ANGPTL1: variants seen among roughly 807,000 people sequenced by gnomAD.
ANGPTL1 encodes angiopoietin-related protein 1.
In ANGPTL1, 36 loss-of-function variants were observed where a neutral mutation model predicts 46.7. That is an observed-to-expected ratio of 0.77 (90% CI 0.59 to 1.02). The LOEUF (loss-of-function observed/expected upper bound fraction) is 1.02, where lower values mean the gene tolerates loss of function less well. ANGPTL1 is among the 50% of genes least tolerant of loss of function. The pLI is 0.00. For missense variants in ANGPTL1, 571 were observed against 594.7 expected (o/e 0.96, Z 0.41); for synonymous variants, 221 against 204.3 (o/e 1.08, Z -0.69).
In ANGPTL1 at chr1:178,851,027, T is replaced by G; in HGVS notation, c.*102A>C. On this transcript the variant is annotated 3_prime_UTR_variant, in exon 6 of 6. Transcript: ENST00000234816. ...TAAAATTCATTTTAAAAACTTTCTG[T>G]GTAGAAATAAATTGTGCCAAGTAAT... 8.9e-7 allele frequency: 1 copy of G among 1,121,202 alleles called. No individual in the cohort carries two copies. The highest frequency in any genetic ancestry group is 1.2e-6 in the Non-Finnish European group (1 of 824,318). The allele number at this position is 1,121,202 out of a possible 1,614,324, so 69.5% of individuals were successfully genotyped here.
At chr1:178,862,229 A>G (rs1052110440) in intron 3 of ANGPTL1, among the ~76,000 whole-genome samples, 1 of 152,100 alleles carries the variant, frequency 6.6e-6, no homozygotes, top group African/African-American at 2.4e-5. Context: ...GCCTATTGCT[A>G]CTGTAACTTA....
At chr1:178,851,387 C>T in intron 5 of ANGPTL1, 71 bp from the exon 6 acceptor site, 1 of 1,334,488 alleles carries the variant, frequency 7.5e-7, no homozygotes, top group Non-Finnish European at 9.9e-7. Context: ...TCATAAAAAA[C>T]TTATTCTACC....
chr1:178,856,202 G>GAGAGATATATATATATATAT (rs1428022812), intron 3 of ANGPTL1, among the ~76,000 whole-genome samples: 12 of 83,906 alleles, frequency 1.4e-4, no homozygotes, highest in African/African-American at 7.7e-4. Flanking sequence ...GAGAGAGAGA[G>GAGAGATATATATATATATAT]ATATATATAT....
intron 3 of ANGPTL1, among the ~76,000 whole-genome samples, chr1:178,859,695 CTTTT>C (rs1190050936): frequency 1.8e-5 from 2 of 108,248 alleles, no homozygotes; most frequent in Admixed American, 9.5e-5. Context: ...ACACGAAGCA[CTTTT>C]TTTTTTTTTT....
rs1056757156 is a variant in ANGPTL1, at chr1:178,850,809, G to A, written c.*320C>T. 8.1e-5 allele frequency: 15 copies of A among 186,064 alleles called. No homozygotes were observed. The highest frequency in any genetic ancestry group is 4.9e-4 in the Admixed American group (8 of 16,470). The allele number at this position is 186,064 out of a possible 1,614,324, so 11.5% of individuals were successfully genotyped here. The stretch of plus-strand genomic sequence containing the variant: ...TTTTAAATAAATTGTTAAGTATCTT[G>A]AACATGTTATTTATGATTTAAAATA... On this transcript the variant is annotated 3_prime_UTR_variant, in exon 6 of 6. Coordinates refer to ENST00000234816, the MANE Select transcript of ANGPTL1 (RefSeq NM_004673.4).
In ANGPTL1 at chr1:178,853,585, C is replaced by T; in HGVS notation, c.1017+9G>A. 1 of 1,582,282 alleles carries T rather than the reference C, an allele frequency of 6.3e-7. No homozygotes were observed. The highest frequency in any genetic ancestry group is 1.4e-5 in the African/African-American group (1 of 72,850). On this transcript the variant is annotated intron_variant, in intron 4 of 5. Coordinates refer to ENST00000234816, the MANE Select transcript of ANGPTL1 (RefSeq NM_004673.4). The stretch of plus-strand genomic sequence containing the variant: ...TTTTACTTCCCTTAGGTCTGCATCA[C>T]TGATTTACCTTATAATTTTCCCAAT...
chr1:178,869,551 C>T (rs1224796412), intron 1 of ANGPTL1, among the ~76,000 whole-genome samples: 1 of 151,878 alleles, frequency 6.6e-6, no homozygotes, highest in Non-Finnish European at 1.5e-5. Context: ...CCATAGCATG[C>T]AACAACAAAA....
intron 3 of ANGPTL1, among the ~76,000 whole-genome samples, chr1:178,862,593 T>TTTATTTATTTA (rs1553272297): frequency 7.1e-6 from 1 of 140,656 alleles, no homozygotes; most frequent in African/African-American, 2.7e-5. Flanking sequence ...GTTGCATTTT[T>TTTATTTATTTA]TTTATTTATT....
chr1:178,858,065 A>G (rs980475754), intron 3 of ANGPTL1, among the ~76,000 whole-genome samples: 1 of 152,170 alleles, frequency 6.6e-6, no homozygotes, highest in African/African-American at 2.4e-5. Flanking sequence ...TGTTAGACTT[A>G]GGGAAATGTA....
At chr1:178,852,019 C>T (rs2102293211) in intron 5 of ANGPTL1, among the ~76,000 whole-genome samples, 1 of 152,220 alleles carries the variant, frequency 6.6e-6, no homozygotes, top group Non-Finnish European at 1.5e-5. Flanking sequence ...ATATTAATTT[C>T]CCCTTTGAAT....
At chr1:178,869,983 A>G (rs1474735585) in intron 1 of ANGPTL1, among the ~76,000 whole-genome samples, 1 of 152,116 alleles carries the variant, frequency 6.6e-6, no homozygotes, top group Non-Finnish European at 1.5e-5. Flanking sequence ...ATTTAATTAC[A>G]TCTTCTGGGT....
rs1335618205 is a variant in ANGPTL1, at chr1:178,853,646, T to G, written c.965A>C (p.Gln322Pro). 2 of 1,611,472 alleles carry G rather than the reference T, an allele frequency of 1.2e-6. No individual in the cohort carries two copies. Among genetic ancestry groups the G allele is most frequent in the Admixed American group, 3.4e-5 (2 of 59,568 alleles). The part of the protein sequence containing the change: ...SLDPGGWTVI[Q>P]KRTDGSVNFF... ...GTTGACAGAGCCGTCTGTTCTTTTC[T>G]GAATAACAGTCCAACCCCCAGGGTC... is the stretch of plus-strand genomic sequence containing the variant. Residue 322 changes from glutamine to proline, a missense_variant, in exon 4 of 6, where the codon CAG becomes CCG. Physicochemically the swap from Gln to Pro is moderately conservative, Grantham distance 76 (BLOSUM62 -1). Transcript: ENST00000234816.
Position 178,852,902 on chromosome 1 carries a change from A to T in ANGPTL1, c.1069T>A (p.Tyr357Asn). The change falls in exon 5 of 6, where the codon TAT (tyrosine) becomes AAT (asparagine). Residue 357 changes from tyrosine (Y) to asparagine (N), a missense_variant. Physicochemically the swap from Tyr to Asn is moderately radical, Grantham distance 143. Transcript: ENST00000234816. ...GEYWLGLENI[Y>N]MLSNQDNYKL... ...TAATTATCTTGATTGCTAAGCATAT[A>T]GATATTTTCCAGTCCAAGCCAGTAT... 6.2e-7 allele frequency: 1 copy of T among 1,613,806 alleles called. No homozygotes were observed. The highest frequency in any genetic ancestry group is 8.5e-7 in the Non-Finnish European group (1 of 1,179,804).
chr1:178,853,651 A>G lies in ANGPTL1; in HGVS notation c.960T>C (p.Val320=), dbSNP rs985087375. Residue 320 remains valine, a synonymous_variant, in exon 4 of 6, where the codon GTT becomes GTC. Coordinates refer to ENST00000234816, the MANE Select transcript of ANGPTL1 (RefSeq NM_004673.4). The part of the protein sequence containing the change: ...ENSLDPGGWT[V]IQKRTDGSVN... ...CAGAGCCGTCTGTTCTTTTCTGAAT[A>G]ACAGTCCAACCCCCAGGGTCCAAAC... The G allele has an allele frequency of 5.0e-6, 8 of 1,611,702 alleles. No individual in the cohort carries two copies. Among genetic ancestry groups the G allele is most frequent in the East Asian group, 2.2e-5 (1 of 44,776 alleles).
Position 178,865,316 on chromosome 1 carries a change from A to G in ANGPTL1, c.461T>C (p.Leu154Pro), listed in dbSNP as rs1283598450. ...KRDNSLELSQLENKILNVTTE... is the reference protein window; with the variant it reads ...KRDNSLELSQPENKILNVTTE... ...GGTGACATTGAGGATTTTGTTTTCCAGTTGGGAAAGTTCAAGTGAATTATC... is the reference window on the plus strand; with the variant it reads ...GGTGACATTGAGGATTTTGTTTTCCGGTTGGGAAAGTTCAAGTGAATTATC... The change falls in exon 3 of 6, where the codon CTG becomes CCG. Residue 154 changes from leucine to proline, a missense_variant. Coordinates refer to ENST00000234816, the MANE Select transcript of ANGPTL1 (RefSeq NM_004673.4). 6.2e-7 allele frequency: 1 copy of G among 1,613,902 alleles called. No individual in the cohort carries two copies. Among genetic ancestry groups the G allele is most frequent in the African/African-American group, 1.3e-5 (1 of 74,906 alleles).
At chr1:178,865,977 C>T (rs1658378901) in intron 2 of ANGPTL1, among the ~76,000 whole-genome samples, 175 bp from the exon 3 acceptor site, 1 of 152,060 alleles carries the variant, frequency 6.6e-6, no homozygotes, top group Admixed American at 6.6e-5. Flanking sequence ...AGTTGTAATA[C>T]TTTGGCATTT....
rs10913632 is a variant in ANGPTL1 at position 178,850,418 on chromosome 1, A to G, written c.*711T>C. ...ATTTCTGGAGATTTTGGTGTTCAGC[A>G]TATCATATGAAGATAACACTGAAAA... On this transcript the variant is annotated 3_prime_UTR_variant, in exon 6 of 6. Transcript: ENST00000234816. 13,558 of 152,354 alleles carry G rather than the reference A, an allele frequency of 0.089. 659 individuals carry two copies. The highest frequency in any genetic ancestry group is 0.13 in the African/African-American group (5,378 of 41,506). 9.4% of individuals were successfully genotyped at this position (152,354 alleles called of 1,614,324 possible). A position where few individuals can be genotyped will look rare whatever the true frequency, so the allele number is the denominator to read the frequency against.
intron 2 of ANGPTL1, among the ~76,000 whole-genome samples, chr1:178,867,347 T>G (rs913949665): frequency 6.6e-6 from 1 of 152,142 alleles, no homozygotes; most frequent in South Asian, 2.1e-4. Context: ...TTCATAGTGA[T>G]GGAGCGAGAA....
At chr1:178,854,507 CACTT>C (rs1345781495) in intron 3 of ANGPTL1, among the ~76,000 whole-genome samples, 4 of 152,124 alleles carry the variant, frequency 2.6e-5, no homozygotes, top group African/African-American at 9.7e-5. Flanking sequence ...CCCCCAACAA[CACTT>C]ACTAACAGCC....
Sources: gnomAD v4.1 joint callset for allele counts (sites outside exome capture counted in the v4.1 genomes callset) on GRCh38, gnomAD v4.1.1 for gene constraint, MANE v1.5 for transcripts, NCBI Gene and HGNC (gene_info 2026-07-23, HGNC 2026-07-21) for gene names.